Variants in PRDM8 observed in about 807,000 individuals in gnomAD.
The protein encoded by PRDM8 is PR domain zinc finger protein 8.
PRDM8 carries 13 observed loss-of-function variants against 46.5 expected under a neutral mutation model. The observed-to-expected ratio is 0.28, with a 90% CI of 0.18 to 0.44. The LOEUF is 0.44. Ranked by LOEUF, PRDM8 falls within the 20% of genes least tolerant of loss-of-function variation. PRDM8 has a pLI of 1.00. For missense variants in PRDM8, 998 were observed against 955.0 expected (o/e 1.04, Z -0.59); for synonymous variants, 473 against 438.4 (o/e 1.08, Z -0.98).
upstream of PRDM8, among the ~76,000 whole-genome samples, chr4:80,193,519 TG>T (rs1218905989): frequency 6.6e-6 from 1 of 152,230 alleles, no homozygotes; most frequent in African/African-American, 2.4e-5. Context: ...ACAACATTTT[TG>T]GCACAGGCCT....
chr4:80,202,997 C>T lies in PRDM8; in HGVS notation c.1535C>T (p.Ser512Phe), dbSNP rs1439005949. 1 of 1,518,566 alleles carries T rather than the reference C, an allele frequency of 6.6e-7. No homozygotes were observed. The highest frequency in any genetic ancestry group is 8.8e-7 in the Non-Finnish European group (1 of 1,142,208). 94.1% of individuals were successfully genotyped at this position (1,518,566 alleles called of 1,614,324 possible). ...CCAGCACGCTCTTTCTCGCAGCTGTCCCCGCTGGTGCTGGGCCAGAAGCTG... is the reference window on the plus strand; with the variant it reads ...CCAGCACGCTCTTTCTCGCAGCTGTTCCCGCTGGTGCTGGGCCAGAAGCTG... ...SQPARSFSQL[S>F]PLVLGQKLGA... is the part of the protein sequence containing the mutation. The change falls in exon 4 of 4, where the codon TCC becomes TTC. Residue 512 changes from serine to phenylalanine, a missense_variant. Transcript: ENST00000415738.
chr4:80,201,559 AGC>A (rs761834167), intron 3 of PRDM8, 38 bp downstream of exon 3: 23 of 1,586,212 alleles, frequency 1.5e-5, no homozygotes, highest in Non-Finnish European at 1.9e-5. Context: ...GCCCTTAACT[AGC>A]GGGGGAGAGA....
chr4:80,201,887 T>C, intron 3 of PRDM8, 27 bp from the exon 4 acceptor site: 1 of 1,591,856 alleles, frequency 6.3e-7, no homozygotes, highest in Non-Finnish European at 8.5e-7. Flanking sequence ...CGTGCGTGCG[T>C]GTGTGTGGTG....
At chr4:80,198,994 G>GGTTTTTTTTTTTTT (rs1560472823) in intron 1 of PRDM8, among the ~76,000 whole-genome samples, 3 of 63,514 alleles carry the variant, frequency 4.7e-5, no homozygotes, top group Non-Finnish European at 4.8e-5. Context: ...TTTTTTTTTT[G>GGTTTTTTTTTTTTT]TTTTTTTTTT....
Position 80,203,089 on chromosome 4 carries a change from G to C in PRDM8, c.1627G>C (p.Asp543His), listed in dbSNP as rs866596518. The change falls in exon 4 of 4, where the codon GAC (aspartate) becomes CAC (histidine). Residue 543 changes from aspartate (D) to histidine (H), a missense_variant. Asp to His is a moderately conservative substitution (Grantham distance 81). Transcript: ENST00000415738. ...GPTRLYPAAA[D>H]PLAVKLQGAA... ...CACCAGACTCTATCCCGCCGCCGCG[G>C]ACCCTCTAGCGGTGAAGCTCCAGGG... 6.4e-7 allele frequency: 1 copy of C among 1,570,840 alleles called. No individual in the cohort carries two copies. Among genetic ancestry groups the C allele is most frequent in the South Asian group, 1.1e-5 (1 of 87,428 alleles).
chr4:80,201,504 C>T lies in PRDM8; in HGVS notation c.434C>T (p.Ser145Phe), dbSNP rs987237380. Residue 145 changes from serine (S) to phenylalanine (F), a missense_variant, in exon 3 of 4, where the codon TCC becomes TTC. By Grantham distance (155) the Ser-to-Phe change is radical. Coordinates refer to ENST00000415738, the MANE Select transcript of PRDM8 (RefSeq NM_001099403.2). The stretch of plus-strand genomic sequence containing the variant: ...TTACTCTTGCTCTGCCCCTCTAGAT[C>T]CCACAACAAAATGAATGGTAGGTTG... ...TELLLLCPSR[S>F]HNKMNGSSPY... The T allele has an allele frequency of 1.2e-6, 2 of 1,613,984 alleles. No individual in the cohort carries two copies. Among genetic ancestry groups the T allele is most frequent in the Admixed American group, 1.7e-5 (1 of 60,020 alleles).
upstream of PRDM8, chr4:80,196,036 G>C (rs143066458): frequency 6.4e-4 from 625 of 984,000 alleles, 2 homozygotes; most frequent in African/African-American, 9.1e-3. Flanking sequence ...TGGCCTCCTG[G>C]GACTGCAGTC....
At chr4:80,198,349 G>C (rs1335251794) in intron 1 of PRDM8, among the ~76,000 whole-genome samples, 1 of 152,234 alleles carries the variant, frequency 6.6e-6, no homozygotes. Context: ...ATGCTTGTGT[G>C]AAAGAGATTT....
chr4:80,196,823 G>C (rs1366397017), upstream of PRDM8: 2 of 869,344 alleles, frequency 2.3e-6, no homozygotes, highest in Non-Finnish European at 1.4e-6. Flanking sequence ...CTCCGCCCAC[G>C]TACCCGTGTC....
At chr4:80,195,928 C>CACACACACACACAGAGAGAGAG (rs373592223), upstream of PRDM8, 1 of 139,878 alleles carries the variant, frequency 7.1e-6, no homozygotes, top group Admixed American at 8.8e-5. Context: ...CACACACACA[C>CACACACACACACAGAGAGAGAG]AGAGAGAGAG....
In PRDM8 at chr4:80,203,733, C is replaced by A. The variant is rs1326900877; in HGVS notation, c.*201C>A. 9 of 521,274 alleles carry A rather than the reference C, an allele frequency of 1.7e-5. No homozygotes were observed. The highest frequency in any genetic ancestry group is 2.9e-5 in the Non-Finnish European group (9 of 309,946). 32.3% of individuals were successfully genotyped at this position (521,274 alleles called of 1,614,324 possible). On this transcript the variant is annotated 3_prime_UTR_variant, in exon 4 of 4. Coordinates refer to ENST00000415738, the MANE Select transcript of PRDM8 (RefSeq NM_001099403.2). ...ACCTCATTCAAATATTTACCCGGGACACACACCCCCCCCCACACACACACA... is the reference window on the plus strand; with the variant it reads ...ACCTCATTCAAATATTTACCCGGGAAACACACCCCCCCCCACACACACACA...
At chr4:80,196,292 G>A, upstream of PRDM8, 1 of 981,420 alleles carries the variant, frequency 1.0e-6, no homozygotes, top group Non-Finnish European at 1.2e-6. Flanking sequence ...GTGGTGGTGT[G>A]TGTGGGGCTG....
At chr4:80,189,363 A>T (rs1208427300) in intron 1 of PRDM8, among the ~76,000 whole-genome samples, 1 of 152,124 alleles carries the variant, frequency 6.6e-6, no homozygotes, top group Non-Finnish European at 1.5e-5. Flanking sequence ...ATGGAAGTCA[A>T]ATATCAATCT....
Position 80,202,904 on chromosome 4 carries a change from G to A in PRDM8, c.1442G>A (p.Gly481Glu), listed in dbSNP as rs1465761141. The A allele has an allele frequency of 1.5e-6, 2 of 1,334,916 alleles. No individual in the cohort carries two copies. Among genetic ancestry groups the A allele is most frequent in the African/African-American group, 1.5e-5 (1 of 64,774 alleles). 82.7% of individuals were successfully genotyped at this position (1,334,916 alleles called of 1,614,324 possible). Residue 481 changes from glycine to glutamate, a missense_variant, in exon 4 of 4, where the codon GGG (glycine) becomes GAG (glutamate). By Grantham distance (98) the Gly-to-Glu change is moderately conservative. Transcript: ENST00000415738. ...AGCGGTGGGGGCGGAACGGGCGCCG[G>A]GGCCGCAGGCGGCGCGGGCGGGGGC... ...STSGGGGTGA[G>E]AAGGAGGGQG...
In PRDM8 at chr4:80,204,172, T is replaced by C. The variant is rs1443913102; in HGVS notation, c.*640T>C. ...AAGAATGTCATCAATTATGTACATATGTATTTTCTTTTAATACAAAGTGTA... is the reference window on the plus strand; with the variant it reads ...AAGAATGTCATCAATTATGTACATACGTATTTTCTTTTAATACAAAGTGTA... On this transcript the variant is annotated 3_prime_UTR_variant, in exon 4 of 4. Transcript: ENST00000415738. 1 of 152,686 alleles carries C rather than the reference T, an allele frequency of 6.5e-6. No homozygotes were observed. The highest frequency in any genetic ancestry group is 6.5e-5 in the Admixed American group (1 of 15,288). 9.5% of individuals were successfully genotyped at this position (152,686 alleles called of 1,614,324 possible). A position where few individuals can be genotyped will look rare whatever the true frequency, so the allele number is the denominator to read the frequency against.
chr4:80,197,579 C>G lies in PRDM8; in HGVS notation c.-187C>G. The G allele has an allele frequency of 1.0e-6, 1 of 977,424 alleles. No individual in the cohort carries two copies. The highest frequency in any genetic ancestry group is 1.2e-6 in the Non-Finnish European group (1 of 822,354). The allele number at this position is 977,424 out of a possible 1,614,324, so 60.5% of individuals were successfully genotyped here. On this transcript the variant is annotated 5_prime_UTR_variant, in exon 1 of 4. Transcript: ENST00000415738. ...TCCCTCCCTCCCTCCCTCCACCCCC[C>G]CAATCTTTTTCTCCCCATCTCTCCA...
chr4:80,196,869 G>C, upstream of PRDM8: 1 of 968,988 alleles, frequency 1.0e-6, no homozygotes, highest in Non-Finnish European at 1.2e-6. Flanking sequence ...CCCCTTCCGA[G>C]GTCTGGTGAC....
rs771118168 is a variant in PRDM8, at chr4:80,202,321, A to AGCGGCAGCGGCG, written c.865_876dup (p.Ser289_Gly292dup). The AGCGGCAGCGGCG allele has an allele frequency of 3.7e-6, 6 of 1,601,174 alleles. No homozygotes were observed. Among genetic ancestry groups the AGCGGCAGCGGCG allele is most frequent in the Admixed American group, 1.7e-5 (1 of 59,348 alleles). ...CCCAGCCCAGAGCCTCAGCAGCGGTAGCGGCAGCGGCGGCGGCGGCGGCCA... is the reference window on the plus strand; with the variant it reads ...CCCAGCCCAGAGCCTCAGCAGCGGTAGCGGCAGCGGCGGCGGCAGCGGCGGCGGCGGCGGCCA... On this transcript the variant is annotated inframe_insertion, in exon 4 of 4. Transcript: ENST00000415738.
chr4:80,203,290 A>C lies in PRDM8; in HGVS notation c.1828A>C (p.Thr610Pro). The C allele has an allele frequency of 6.2e-7, 1 of 1,606,264 alleles. No homozygotes were observed. Among genetic ancestry groups the C allele is most frequent in the Non-Finnish European group, 8.5e-7 (1 of 1,177,364 alleles). Residue 610 changes from threonine (T) to proline (P), a missense_variant, in exon 4 of 4, where the codon ACG becomes CCG. Thr to Pro is a conservative substitution (Grantham distance 38). Transcript: ENST00000415738. ...GCAGCTGCAGCTGCCCTCGGCGCTC[A>C]CGCTGCTGCCGCCCTCCTTCACCTC... ...PLQLQLPSAL[T>P]LLPPSFTSLC...
Sources: allele counts gnomAD v4.1 joint callset (sites outside exome capture counted in the v4.1 genomes callset), GRCh38; gene constraint gnomAD v4.1.1; transcripts MANE v1.5; gene names NCBI Gene and HGNC (gene_info 2026-07-23, HGNC 2026-07-21).